The following UBA52 variants were observed in gnomAD, a reference collection of about 807,000 sequenced individuals.
UBA52 encodes ubiquitin-ribosomal protein eL40 fusion protein.
A neutral mutation model predicts 15.3 loss-of-function variants in UBA52; 1 was observed. The ratio of observed to expected loss-of-function variants is 0.07; its 90% CI spans 0.02 to 0.31. The LOEUF is 0.31. Ranked by LOEUF, UBA52 falls within the 10% of genes least tolerant of loss-of-function variation. UBA52 has a pLI of 1.00. For synonymous variants in UBA52, 50 were observed against 58.3 expected, an observed-to-expected ratio of 0.86 and a Z score of 0.65; for missense variants, 87 against 168.0, an observed-to-expected ratio of 0.52 and a Z score of 2.66.
intron 4 of UBA52, 30 bp from the exon 5 acceptor site, chr19:18,575,027 C>T: frequency 6.2e-7 from 1 of 1,614,192 alleles, no homozygotes; most frequent in South Asian, 1.1e-5. Context: ...TCGGGGTATG[C>T]CCTCACCCAC....
chr19:18,574,983 T>G lies in UBA52; in HGVS notation c.293+11T>G, dbSNP rs746755713. 4.2e-5 allele frequency: 67 copies of G among 1,614,008 alleles called. No individual in the cohort carries two copies. Among genetic ancestry groups the G allele is most frequent in the Admixed American group, 6.7e-5 (4 of 59,992 alleles). On this transcript the variant is annotated intron_variant, in intron 4 of 4. Coordinates refer to ENST00000442744, the MANE Select transcript of UBA52 (RefSeq NM_001033930.3). ...GATGATCTGCCGCAAGTATGTGTGCTCCGATGCTTGGGGGGCTGTGGGGGC... is the reference window on the plus strand; with the variant it reads ...GATGATCTGCCGCAAGTATGTGTGCGCCGATGCTTGGGGGGCTGTGGGGGC...
In UBA52 at chr19:18,575,208, A is replaced by C; in HGVS notation, c.*58A>C. On this transcript the variant is annotated 3_prime_UTR_variant, in exon 5 of 5. Transcript: ENST00000442744. ...CCAGGCCCCGTGGCCCTGGAGCCTC[A>C]ATAAAGTGTCCCTTTCATTGACTGG... The C allele has an allele frequency of 6.2e-7, 1 of 1,600,362 alleles. No homozygotes were observed.
At chr19:18,568,603 C>CAGATGACGAGG (rs1568424291), upstream of UBA52, 1 of 1,612,338 alleles carries the variant, frequency 6.2e-7, no homozygotes, top group Admixed American at 1.7e-5. Flanking sequence ...CGCAGCCAGA[C>CAGATGACGAGG]AGATGACGAG....
rs1278267726 is a variant in UBA52 at position 18,577,150 on chromosome 19, G to A, written c.*2000G>A. On this transcript the variant is annotated 3_prime_UTR_variant, in exon 5 of 5. Coordinates refer to ENST00000442744, the MANE Select transcript of UBA52 (RefSeq NM_001033930.3). ...TGCAGTGCTGGTGAAGCCGGTGCAC[G>A]AGGCCAGTGATGCATCCTAATGAGG... The A allele has an allele frequency of 1.3e-5, 2 of 151,920 alleles. No individual in the cohort carries two copies. The highest frequency in any genetic ancestry group is 2.4e-5 in the African/African-American group (1 of 41,318). 9.4% of individuals were successfully genotyped at this position (151,920 alleles called of 1,614,324 possible). A position where few individuals can be genotyped will look rare whatever the true frequency, so the allele number is the denominator to read the frequency against.
chr19:18,573,807 C>T (rs1975632955), intron 3 of UBA52, 59 bp downstream of exon 3: 1 of 1,512,204 alleles, frequency 6.6e-7, no homozygotes, highest in Non-Finnish European at 9.2e-7. Flanking sequence ...AGGAAAGGAG[C>T]ATTGATGGCC....
In UBA52 at chr19:18,574,847, G is replaced by A. The variant is rs145606323; in HGVS notation, c.191-23G>A. The A allele has an allele frequency of 5.1e-5, 82 of 1,611,378 alleles. No homozygotes were observed. The African/African-American group carries it at 6.9e-4, about 14-fold the overall frequency. ...GGAGCCAGGGCTGGGCTCAGTCGCC[G>A]TCCTTCTGGCTGTCTCCTGCAGAGT... On this transcript the variant is annotated intron_variant, in intron 3 of 4. Coordinates refer to ENST00000442744, the MANE Select transcript of UBA52 (RefSeq NM_001033930.3).
chr19:18,564,180 C>T, the UBA52 span, among the ~76,000 whole-genome samples: 2 of 152,112 alleles, frequency 1.3e-5, no homozygotes, highest in South Asian at 2.1e-4. Context: ...CCCCCATGCC[C>T]GGCTGGTCTC....
At position 18,574,975 on chromosome 19, in the gene UBA52, A is replaced by G. The variant is rs1298300037; in HGVS notation, c.293+3A>G. On this transcript the variant is annotated splice_donor_region_variant and intron_variant, in intron 4 of 4. Coordinates refer to ENST00000442744, the MANE Select transcript of UBA52 (RefSeq NM_001033930.3). ...TGCGACAAGATGATCTGCCGCAAGT[A>G]TGTGTGCTCCGATGCTTGGGGGGCT... 1 of 1,614,054 alleles carries G rather than the reference A, an allele frequency of 6.2e-7. No homozygotes were observed. Among genetic ancestry groups the G allele is most frequent in the Non-Finnish European group, 8.5e-7 (1 of 1,180,034 alleles).
At chr19:18,566,443 G>A in the UBA52 span, among the ~76,000 whole-genome samples, 4 of 135,088 alleles carry the variant, frequency 3.0e-5, no homozygotes, top group African/African-American at 7.7e-5. Flanking sequence ...GCGACAGAGC[G>A]AGACTCCGTC....
chr19:18,568,291 G>T, upstream of UBA52: 278 of 686,272 alleles, frequency 4.1e-4, no homozygotes, highest in Non-Finnish European at 6.5e-4. Flanking sequence ...AAAGGGTCAA[G>T]TCATACCCCC....
Position 18,573,652 on chromosome 19 carries a change from TC to T in UBA52, c.104-5del. On this transcript the variant is annotated splice_polypyrimidine_tract_variant and intron_variant, in intron 2 of 4. Coordinates refer to ENST00000442744, the MANE Select transcript of UBA52 (RefSeq NM_001033930.3). ...CGCAGAGCCTCTAACTGAGCCTCCCTCCCCCTCAGGTATCCCACCTGACCAG... is the reference window on the plus strand; with the variant it reads ...CGCAGAGCCTCTAACTGAGCCTCCCTCCCCTCAGGTATCCCACCTGACCAG... 1 of 1,613,070 alleles carries T rather than the reference TC, an allele frequency of 6.2e-7. No individual in the cohort carries two copies. The highest frequency in any genetic ancestry group is 1.1e-5 in the South Asian group (1 of 91,028).
At chr19:18,571,214 G>A (rs1263737008), upstream of UBA52, among the ~76,000 whole-genome samples, 1 of 151,146 alleles carries the variant, frequency 6.6e-6, no homozygotes, top group Non-Finnish European at 1.5e-5. Context: ...GGAGGCTGAG[G>A]CAGGAGAATT....
intron 1 of UBA52, chr19:18,572,763 G>A: frequency 2.0e-6 from 2 of 994,572 alleles, no homozygotes; most frequent in South Asian, 4.3e-5. Flanking sequence ...TAATTGAGAA[G>A]GAAGCTAAGA....
chr19:18,568,157 C>T (rs1975346625), upstream of UBA52, among the ~76,000 whole-genome samples: 1 of 151,576 alleles, frequency 6.6e-6, no homozygotes, highest in Non-Finnish European at 1.5e-5. Context: ...GTCTCAGCTA[C>T]TCAGGAGGTT....
In UBA52 at chr19:18,575,389, C is replaced by T. The variant is rs1975740281; in HGVS notation, c.*239C>T. ...ATCGGCATTGGTCCCTGCCCTATGC[C>T]CCTGACTCTGGATTTGTCATCTGTA... On this transcript the variant is annotated 3_prime_UTR_variant, in exon 5 of 5. Coordinates refer to ENST00000442744, the MANE Select transcript of UBA52 (RefSeq NM_001033930.3). 2 of 528,756 alleles carry T rather than the reference C, an allele frequency of 3.8e-6. No homozygotes were observed. Among genetic ancestry groups the T allele is most frequent in the Non-Finnish European group, 6.8e-6 (2 of 293,278 alleles). The allele number at this position is 528,756 out of a possible 1,614,324, so 32.8% of individuals were successfully genotyped here. A position where few individuals can be genotyped will look rare whatever the true frequency, so the allele number is the denominator to read the frequency against.
In UBA52 at chr19:18,575,736, TTTTG is replaced by T. The variant is rs369757047; in HGVS notation, c.*610_*613del. On this transcript the variant is annotated 3_prime_UTR_variant, in exon 5 of 5. Transcript: ENST00000442744. The stretch of plus-strand genomic sequence containing the variant: ...GCCATGCCTGACCCAGTTCTCAGTT[TTTTG>T]TTTGTTTGTTTGTTTGTTTGTTTTG... The T allele has an allele frequency of 6.3e-3, 1,009 of 159,456 alleles. 15 individuals are homozygous for T. Among genetic ancestry groups the T allele is most frequent in the Middle Eastern group, 6.3e-3 (2 of 318 alleles). 9.9% of individuals were successfully genotyped at this position (159,456 alleles called of 1,614,324 possible).
Position 18,573,299 on chromosome 19 carries a change from A to T in UBA52, c.-2A>T. 1 of 1,614,086 alleles carries T rather than the reference A, an allele frequency of 6.2e-7. No homozygotes were observed. The highest frequency in any genetic ancestry group is 2.2e-5 in the East Asian group (1 of 44,884). On this transcript the variant is annotated 5_prime_UTR_variant, in exon 2 of 5. Transcript: ENST00000442744. ...GCCTCCCTTCCTCCTGCAGACGCAA[A>T]CATGCAGATCTTTGTGAAGACCCTC...
the UBA52 span, among the ~76,000 whole-genome samples, chr19:18,565,565 G>C: frequency 3.3e-5 from 5 of 152,182 alleles, no homozygotes; most frequent in Non-Finnish European, 7.3e-5. Flanking sequence ...CCTGGCTGGA[G>C]TGCAGTGGCG....
At chr19:18,570,230 CCT>C (rs1179267867), upstream of UBA52, among the ~76,000 whole-genome samples, 1 of 151,500 alleles carries the variant, frequency 6.6e-6, no homozygotes, top group Non-Finnish European at 1.5e-5. Flanking sequence ...TGAGACAGCA[CCT>C]CTCTGTTGCC....
Sources: gnomAD v4.1 joint callset for allele counts (sites outside exome capture counted in the v4.1 genomes callset) on GRCh38, gnomAD v4.1.1 for gene constraint, MANE v1.5 for transcripts, NCBI Gene and HGNC (gene_info 2026-07-23, HGNC 2026-07-21) for gene names.